Variants in DOCK1 observed in about 807,000 individuals in gnomAD.
DOCK1 encodes dedicator of cytokinesis protein 1.
A neutral mutation model predicts 262.7 loss-of-function variants in DOCK1; 138 were observed. The observed-to-expected ratio is 0.53, with a 90% confidence interval of 0.46 to 0.61. DOCK1 has a LOEUF of 0.61. Among genes scored for constraint, DOCK1 ranks in the 20% least tolerant of loss-of-function variants. The probability of loss-of-function intolerance (pLI) is 0.00; values close to 1 mark genes in which losing one functional copy is unlikely to be tolerated. For missense variants in DOCK1, 1,908 were observed against 2,370.7 expected, an observed-to-expected ratio of 0.80 and a Z score of 4.05; for synonymous variants, 866 against 867.4, an observed-to-expected ratio of 1.00 and a Z score of 0.03.
At chr10:127,391,835 C>A (rs950918463) in intron 38 of DOCK1, among the ~76,000 whole-genome samples, 8 of 152,118 alleles carry the variant, frequency 5.3e-5, no homozygotes, top group African/African-American at 1.9e-4. Context: ...TGTCTCCACC[C>A]TTCCGCTCCT....
intron 23 of DOCK1, among the ~76,000 whole-genome samples, chr10:127,097,636 C>A (rs1286051609): frequency 6.6e-6 from 1 of 152,190 alleles, no homozygotes; most frequent in African/African-American, 2.4e-5. Context: ...ACCGTCCCCC[C>A]ACTGGTGGAC....
intron 1 of DOCK1, among the ~76,000 whole-genome samples, chr10:126,964,902 C>T (rs975812313): frequency 9.9e-5 from 15 of 152,202 alleles, no homozygotes; most frequent in Non-Finnish European, 1.5e-4. Context: ...ATTTTGAAGA[C>T]GAACAAATGC....
intron 1 of DOCK1, among the ~76,000 whole-genome samples, chr10:126,939,540 T>C (rs1268677854): frequency 7.5e-4 from 115 of 152,340 alleles, no homozygotes; most frequent in Non-Finnish European, 2.4e-4. Flanking sequence ...AACTTAAAGT[T>C]ATCTTTTAAT....
intron 1 of DOCK1, among the ~76,000 whole-genome samples, chr10:126,955,904 T>C (rs1234818930): frequency 2.6e-5 from 4 of 152,114 alleles, no homozygotes; most frequent in African/African-American, 9.7e-5. Context: ...CACTGCACAC[T>C]AGCTGGCTCA....
intron 27 of DOCK1, among the ~76,000 whole-genome samples, chr10:127,240,527 A>G (rs1001149840): frequency 1.3e-5 from 2 of 152,180 alleles, no homozygotes; most frequent in Non-Finnish European, 2.9e-5. Context: ...TACCTGAATC[A>G]GCCTTTTTAT....
chr10:127,398,548 T>G (rs1590890867), intron 38 of DOCK1, among the ~76,000 whole-genome samples: 1 of 152,374 alleles, frequency 6.6e-6, no homozygotes, highest in Middle Eastern at 3.4e-3. Context: ...CCAGTGATTT[T>G]AATCCATTTT....
chr10:127,197,696 C>G (rs1486366428), intron 27 of DOCK1, among the ~76,000 whole-genome samples: 1 of 152,150 alleles, frequency 6.6e-6, no homozygotes, highest in African/African-American at 2.4e-5. Flanking sequence ...GCAGTGAGAC[C>G]TCTTTGCCTA....
At chr10:126,972,203 A>C (rs1425323028) in intron 2 of DOCK1, among the ~76,000 whole-genome samples, 1 of 152,210 alleles carries the variant, frequency 6.6e-6, no homozygotes, top group African/African-American at 2.4e-5. Flanking sequence ...GGCATGAGCC[A>C]CCGTGCCCGT....
intron 38 of DOCK1, among the ~76,000 whole-genome samples, chr10:127,390,897 C>T (rs2066435675): frequency 1.3e-5 from 2 of 152,102 alleles, no homozygotes; most frequent in Admixed American, 1.3e-4. Flanking sequence ...ACGGATGTGG[C>T]TCCTATTGGA....
At position 127,404,368 on chromosome 10, in the gene DOCK1, G is replaced by T; in HGVS notation, c.4061G>T (p.Arg1354Met). The T allele has an allele frequency of 6.2e-7, 1 of 1,613,948 alleles. No homozygotes were observed. The highest frequency in any genetic ancestry group is 8.5e-7 in the Non-Finnish European group (1 of 1,179,882). ...TATGAAAACATCGTCAAAGTGATCA[G>T]GCCCAAGCCTGACTATTTTGCTGTT... Reference protein sequence around the residue: ...QFYENIVKVIRPKPDYFAVGY... With the variant: ...QFYENIVKVIMPKPDYFAVGY... The change falls in exon 40 of 52, where the codon AGG becomes ATG. Residue 1354 changes from arginine to methionine, a missense_variant. Transcript: ENST00000623213.
chr10:127,379,128 ACT>A (rs1470562795), intron 35 of DOCK1, among the ~76,000 whole-genome samples: 5 of 151,932 alleles, frequency 3.3e-5, no homozygotes, highest in Non-Finnish European at 7.4e-5. Flanking sequence ...ATTGAAAGTG[ACT>A]CTGATGTTTC....
At chr10:126,930,102 G>T (rs2034078148) in intron 1 of DOCK1, among the ~76,000 whole-genome samples, 2 of 152,334 alleles carry the variant, frequency 1.3e-5, no homozygotes, top group East Asian at 3.9e-4. Flanking sequence ...CATTTAGCGT[G>T]CTTATCCACA....
chr10:127,320,620 T>C (rs2720972), intron 29 of DOCK1, among the ~76,000 whole-genome samples: 104,853 of 152,060 alleles, frequency 0.69, 37,727 homozygotes, highest in African/African-American at 0.9. Context: ...GTGGCGAGCC[T>C]GAAACTAGAC....
At chr10:126,961,694 G>A (rs920929326) in intron 1 of DOCK1, among the ~76,000 whole-genome samples, 3 of 152,192 alleles carry the variant, frequency 2.0e-5, no homozygotes, top group African/African-American at 7.2e-5. Context: ...TTTTAAGGCC[G>A]ATGGATATTC....
intron 38 of DOCK1, among the ~76,000 whole-genome samples, chr10:127,395,914 TTGC>T (rs1229103086): frequency 6.6e-6 from 1 of 152,228 alleles, no homozygotes; most frequent in Non-Finnish European, 1.5e-5. Flanking sequence ...AATGCTTCAC[TTGC>T]TGCAGAGAGC....
chr10:127,206,134 CTCTTTTTT>C (rs1260816645), intron 27 of DOCK1, among the ~76,000 whole-genome samples: 2 of 123,574 alleles, frequency 1.6e-5, no homozygotes, highest in African/African-American at 2.8e-5. Context: ...TATTCTTCTT[CTCTTTTTT>C]TTTTTTTTTT....
chr10:127,109,802 A>G (rs1321998925), intron 24 of DOCK1, among the ~76,000 whole-genome samples: 3 of 151,984 alleles, frequency 2.0e-5, no homozygotes, highest in African/African-American at 2.4e-5. Context: ...TTTCAGTATA[A>G]TGAACAATGC....
At chr10:127,302,706 A>ATTTTTTTCC (rs2061723555) in intron 29 of DOCK1, among the ~76,000 whole-genome samples, 1 of 151,474 alleles carries the variant, frequency 6.6e-6, no homozygotes, top group African/African-American at 2.4e-5. Flanking sequence ...TATTCTATGC[A>ATTTTTTTCC]TAGGGACAGC....
chr10:127,390,013 CA>C (rs34641283), intron 38 of DOCK1, among the ~76,000 whole-genome samples: 18 of 7,930 alleles, frequency 2.3e-3, no homozygotes, highest in African/African-American at 2.7e-3. Context: ...CTGTCTCAAA[CA>C]AAAAAAAAAA....
Sources: allele counts gnomAD v4.1 joint callset (sites outside exome capture counted in the v4.1 genomes callset), GRCh38; gene constraint gnomAD v4.1.1; transcripts MANE v1.5; gene names NCBI Gene and HGNC (gene_info 2026-07-23, HGNC 2026-07-21).